Variants in TIAM1 observed in about 807,000 individuals in gnomAD.
The protein encoded by TIAM1 is rho guanine nucleotide exchange factor TIAM1.
A neutral mutation model predicts 163.5 loss-of-function variants in TIAM1; 65 were observed. The observed-to-expected ratio is 0.40, with a 90% CI of 0.33 to 0.49. The LOEUF (loss-of-function observed/expected upper bound fraction) is 0.49. TIAM1 is among the 20% of genes least tolerant of loss of function. The pLI is 0.77. For missense variants in TIAM1, 1,789 were observed against 2,044.7 expected (o/e 0.87, Z 2.41); for synonymous variants, 833 against 810.1 (o/e 1.03, Z -0.48).
At chr21:31,407,367 A>G (rs987903616) in intron 2 of TIAM1, among the ~76,000 whole-genome samples, 1 of 152,092 alleles carries the variant, frequency 6.6e-6, no homozygotes, top group Non-Finnish European at 1.5e-5. Flanking sequence ...GAGTTCACAG[A>G]TGGTGGGACC....
chr21:31,248,699 G>C (rs768249137), intron 5 of TIAM1, among the ~76,000 whole-genome samples: 1 of 152,026 alleles, frequency 6.6e-6, no homozygotes, highest in African/African-American at 2.4e-5. Context: ...TGCAAGTCTT[G>C]CTTTTGAGCA....
chr21:31,142,463 C>CAAAAAAAAAAAA (rs34368848), intron 20 of TIAM1, among the ~76,000 whole-genome samples: 5 of 49,904 alleles, frequency 1.0e-4, no homozygotes, highest in South Asian at 1.1e-3. Flanking sequence ...ACTAAAAATA[C>CAAAAAAAAAAAA]AAAAAAAAAA....
At chr21:31,408,137 T>C (rs2077281689) in intron 2 of TIAM1, among the ~76,000 whole-genome samples, 1 of 152,214 alleles carries the variant, frequency 6.6e-6, no homozygotes, top group Admixed American at 6.5e-5. Flanking sequence ...AAACCTAGGA[T>C]TTACTTCTAC....
At chr21:31,386,433 A>C (rs896111003) in intron 2 of TIAM1, among the ~76,000 whole-genome samples, 8 of 152,056 alleles carry the variant, frequency 5.3e-5, no homozygotes, top group African/African-American at 1.4e-4. Context: ...TCAAACCCAC[A>C]CCAAAAGACC....
At chr21:31,472,674 G>A (rs192658328) in intron 1 of TIAM1, among the ~76,000 whole-genome samples, 3 of 152,308 alleles carry the variant, frequency 2.0e-5, no homozygotes, top group East Asian at 1.9e-4. Context: ...ACCAGCCCAT[G>A]AGCCTACTAC....
intron 2 of TIAM1, among the ~76,000 whole-genome samples, chr21:31,386,629 A>T (rs1444491657): frequency 3.3e-5 from 5 of 152,030 alleles, no homozygotes; most frequent in Non-Finnish European, 2.9e-5. Context: ...ACCCCTGCAA[A>T]CTGCAGGGCA....
At chr21:31,420,794 C>T (rs1325255982) in intron 2 of TIAM1, among the ~76,000 whole-genome samples, 1 of 152,020 alleles carries the variant, frequency 6.6e-6, no homozygotes, top group African/African-American at 2.4e-5. Context: ...CAGAATGTGA[C>T]GTTGCTTGGA....
At chr21:31,127,004 C>A in intron 26 of TIAM1, 61 bp downstream of exon 26, 1 of 1,550,208 alleles carries the variant, frequency 6.5e-7, no homozygotes, top group Non-Finnish European at 8.9e-7. Context: ...ACGTAAGACA[C>A]CAAACCGTTC....
intron 5 of TIAM1, among the ~76,000 whole-genome samples, chr21:31,246,282 A>C (rs1420121472): frequency 5.3e-5 from 8 of 152,052 alleles, no homozygotes; most frequent in Admixed American, 5.2e-4. Flanking sequence ...AATCTATGGC[A>C]CACATACAAA....
chr21:31,336,164 G>A (rs753847007), intron 2 of TIAM1, among the ~76,000 whole-genome samples: 7 of 152,182 alleles, frequency 4.6e-5, no homozygotes, highest in Non-Finnish European at 7.3e-5. Context: ...GCGTTCGGCC[G>A]GCCATCAGCT....
chr21:31,274,684 A>C (rs1319744219), intron 3 of TIAM1, among the ~76,000 whole-genome samples: 2 of 152,180 alleles, frequency 1.3e-5, no homozygotes, highest in Non-Finnish European at 2.9e-5. Context: ...AAATAATCCA[A>C]AAGGTGATTC....
chr21:31,412,784 TAA>T (rs77221722), intron 2 of TIAM1, among the ~76,000 whole-genome samples: 29 of 103,502 alleles, frequency 2.8e-4, no homozygotes, highest in Middle Eastern at 5.5e-3. Context: ...TGTCTCAGGT[TAA>T]AAAAAAAAAA....
intron 2 of TIAM1, chr21:31,452,667 A>G (rs2147329434): frequency 2.3e-6 from 1 of 437,516 alleles, no homozygotes; most frequent in South Asian, 2.0e-5. Flanking sequence ...AGGGCTTTTA[A>G]TATCTCCAGA....
intron 1 of TIAM1, among the ~76,000 whole-genome samples, chr21:31,341,522 G>C (rs1555948778): frequency 1.3e-5 from 2 of 152,180 alleles, no homozygotes; most frequent in Non-Finnish European, 2.9e-5. Context: ...CAAGTGGGTT[G>C]AAAGTACCTA....
chr21:31,192,784 T>C (rs1054122562), intron 13 of TIAM1, among the ~76,000 whole-genome samples: 4 of 152,098 alleles, frequency 2.6e-5, no homozygotes, highest in Non-Finnish European at 5.9e-5. Context: ...CTTTGGCCAA[T>C]GAATTGGGAG....
At chr21:31,414,918 G>C (rs1056734506) in intron 2 of TIAM1, among the ~76,000 whole-genome samples, 1 of 152,174 alleles carries the variant, frequency 6.6e-6, no homozygotes, top group South Asian at 2.1e-4. Context: ...AAATCATCAC[G>C]CACTCCAAGG....
intron 2 of TIAM1, among the ~76,000 whole-genome samples, chr21:31,423,877 A>G (rs2043686953): frequency 3.9e-5 from 5 of 128,258 alleles, no homozygotes; most frequent in African/African-American, 5.7e-5. Context: ...GGGGGGGTCA[A>G]GGGAGTTGGG....
At chr21:31,505,003 C>G (rs2046979148) in intron 1 of TIAM1, among the ~76,000 whole-genome samples, 1 of 152,190 alleles carries the variant, frequency 6.6e-6, no homozygotes, top group Admixed American at 6.6e-5. Flanking sequence ...CAGTCCCGCA[C>G]TGGAGACCTC....
chr21:31,420,426 C>T (rs1277447497), intron 2 of TIAM1, among the ~76,000 whole-genome samples: 1 of 152,170 alleles, frequency 6.6e-6, no homozygotes, highest in African/African-American at 2.4e-5. Context: ...ACCAGTTGAC[C>T]TTTCCAGGGA....
Sources: allele counts gnomAD v4.1 joint callset (sites outside exome capture counted in the v4.1 genomes callset), GRCh38; gene constraint gnomAD v4.1.1; transcripts MANE v1.5; gene names NCBI Gene and HGNC (gene_info 2026-07-23, HGNC 2026-07-21).